Variants in VWA3B observed in about 807,000 individuals in gnomAD.
The protein encoded by VWA3B is von Willebrand factor A domain containing 3B.
A neutral mutation model predicts 158.3 loss-of-function variants in VWA3B; 138 were observed. That is an observed-to-expected ratio of 0.87 (90% CI 0.76 to 1.00). VWA3B has a LOEUF of 1.00. Among genes scored for constraint, VWA3B ranks in the 50% least tolerant of loss-of-function variants. The pLI, the probability that VWA3B is intolerant of heterozygous loss-of-function variation, is 0.00. For missense variants in VWA3B, 1,555 were observed against 1,565.1 expected (o/e 0.99, Z 0.11); for synonymous variants, 596 against 587.3 (o/e 1.01, Z -0.21).
rs1489040790 is a variant in VWA3B at position 98,133,821 on chromosome 2, C to G, written c.873-3C>G. ...TCCTAATGAGCATCTCTTCACGTTTCAGATTCCACGCATTTGCCGAGAGAA... is the reference window on the plus strand; with the variant it reads ...TCCTAATGAGCATCTCTTCACGTTTGAGATTCCACGCATTTGCCGAGAGAA... On this transcript the variant is annotated splice_region_variant and splice_polypyrimidine_tract_variant and intron_variant, in intron 6 of 27. Transcript: ENST00000477737. 1 of 1,613,880 alleles carries G rather than the reference C, an allele frequency of 6.2e-7. No homozygotes were observed. Among genetic ancestry groups the G allele is most frequent in the Admixed American group, 1.7e-5 (1 of 60,018 alleles).
chr2:98,092,621 C>T (rs971941758), intron 1 of VWA3B, among the ~76,000 whole-genome samples: 1 of 151,730 alleles, frequency 6.6e-6, no homozygotes, highest in Admixed American at 6.6e-5. Flanking sequence ...CCAGCCTGGG[C>T]AACAGAGCGA....
At chr2:98,280,621 G>A (rs145564175) in intron 22 of VWA3B, among the ~76,000 whole-genome samples, 59 of 152,320 alleles carry the variant, frequency 3.9e-4, no homozygotes, top group Middle Eastern at 6.8e-3. Flanking sequence ...GGCCTGTGCC[G>A]GGCTCAGGAA....
At chr2:98,319,876 TCA>T in the VWA3B span, among the ~76,000 whole-genome samples, 78,333 of 147,208 alleles carry the variant, frequency 0.53, 20,950 homozygotes, top group East Asian at 0.75. Context: ...TGAGACTCCA[TCA>T]CACACACACA....
At chr2:98,269,100 C>G (rs1056248407) in intron 21 of VWA3B, among the ~76,000 whole-genome samples, 18 of 152,072 alleles carry the variant, frequency 1.2e-4, no homozygotes, top group African/African-American at 3.6e-4. Context: ...GCCATTTCCT[C>G]ATATCTTTGT....
At chr2:98,116,278 C>T (rs1254732161) in intron 3 of VWA3B, among the ~76,000 whole-genome samples, 1 of 152,156 alleles carries the variant, frequency 6.6e-6, no homozygotes, top group Admixed American at 6.5e-5. Flanking sequence ...GATATTTGTT[C>T]ATGTCTATGT....
intron 14 of VWA3B, among the ~76,000 whole-genome samples, chr2:98,226,299 A>C (rs756959367): frequency 2.0e-5 from 3 of 152,222 alleles, no homozygotes; most frequent in Non-Finnish European, 2.9e-5. Flanking sequence ...TTTTTGACAA[A>C]GATGCAAAAG....
intron 7 of VWA3B, among the ~76,000 whole-genome samples, chr2:98,144,148 T>G (rs781104257): frequency 2.6e-5 from 4 of 152,186 alleles, no homozygotes; most frequent in Non-Finnish European, 4.4e-5. Context: ...CATATATATG[T>G]ATGGATGGAT....
At chr2:98,237,333 T>C (rs1351448425) in intron 19 of VWA3B, among the ~76,000 whole-genome samples, 4 of 152,150 alleles carry the variant, frequency 2.6e-5, no homozygotes, top group Non-Finnish European at 5.9e-5. Flanking sequence ...AAATATCCCT[T>C]TATGAAAGGA....
At chr2:98,228,743 T>C (rs1685118038) in intron 15 of VWA3B, among the ~76,000 whole-genome samples, 1 of 152,158 alleles carries the variant, frequency 6.6e-6, no homozygotes, top group South Asian at 2.1e-4. Context: ...TCCTCATCTT[T>C]AAAATGGTGG....
chr2:98,245,137 A>G (rs1215436115), intron 19 of VWA3B, among the ~76,000 whole-genome samples: 1 of 152,106 alleles, frequency 6.6e-6, no homozygotes, highest in Non-Finnish European at 1.5e-5. Context: ...CCCTTAAATC[A>G]AATATTATCC....
At chr2:98,200,380 A>T (rs560898305) in intron 12 of VWA3B, among the ~76,000 whole-genome samples, 1 of 152,176 alleles carries the variant, frequency 6.6e-6, no homozygotes, top group South Asian at 2.1e-4. Context: ...GTCTCTACTA[A>T]AACTACAAAA....
chr2:98,254,575 C>T (rs1686993215), intron 20 of VWA3B, among the ~76,000 whole-genome samples: 1 of 152,146 alleles, frequency 6.6e-6, no homozygotes, highest in African/African-American at 2.4e-5. Context: ...ACTGAGCTGA[C>T]TTATTTCCCT....
In VWA3B at chr2:98,211,943, C is replaced by G; in HGVS notation, c.1751C>G (p.Thr584Arg). ...WIRDIKIGSS[T>R]NTLSALKTAF... ...TTTTTTCCGTAGATTGGAAGCTCCACAAACACCCTGAGTGCCCTGAAAACT... is the reference window on the plus strand; with the variant it reads ...TTTTTTCCGTAGATTGGAAGCTCCAGAAACACCCTGAGTGCCCTGAAAACT... The change falls in exon 13 of 28, where the codon ACA (threonine) becomes AGA (arginine). Residue 584 changes from threonine (T) to arginine (R), a missense_variant. By Grantham distance (71) the Thr-to-Arg change is moderately conservative. Transcript: ENST00000477737. The G allele has an allele frequency of 6.2e-7, 1 of 1,614,088 alleles. No individual in the cohort carries two copies. Among genetic ancestry groups the G allele is most frequent in the South Asian group, 1.1e-5 (1 of 91,072 alleles).
At chr2:98,327,262 C>T in the VWA3B span, among the ~76,000 whole-genome samples, 35 of 151,996 alleles carry the variant, frequency 2.3e-4, 1 homozygote, top group South Asian at 6.4e-3. Flanking sequence ...CACTGCACTC[C>T]GGCCTGGGCA....
At chr2:98,128,480 G>A (rs1675561729) in intron 6 of VWA3B, 72 bp downstream of exon 6, 2 of 1,530,584 alleles carry the variant, frequency 1.3e-6, no homozygotes, top group African/African-American at 1.4e-5. Context: ...AGTGGGTCTT[G>A]CATTCTTCGT....
At chr2:98,264,148 G>C (rs1302448371) in intron 21 of VWA3B, among the ~76,000 whole-genome samples, 1 of 151,098 alleles carries the variant, frequency 6.6e-6, no homozygotes, top group Non-Finnish European at 1.5e-5. Flanking sequence ...GTCTAGCTAA[G>C]AATTTGTCAA....
At chr2:98,240,680 A>G (rs889335240) in intron 19 of VWA3B, among the ~76,000 whole-genome samples, 18 of 152,282 alleles carry the variant, frequency 1.2e-4, no homozygotes, top group African/African-American at 4.3e-4. Context: ...GGATGCAGAC[A>G]TAAGATCTTT....
intron 20 of VWA3B, among the ~76,000 whole-genome samples, chr2:98,254,685 G>A (rs554467037): frequency 6.6e-6 from 1 of 152,322 alleles, no homozygotes; most frequent in South Asian, 2.1e-4. Context: ...GGCGACACTA[G>A]GAGTGGAGCG....
chr2:98,282,775 T>C (rs138248926), intron 22 of VWA3B, among the ~76,000 whole-genome samples: 31 of 152,332 alleles, frequency 2.0e-4, no homozygotes, highest in African/African-American at 7.5e-4. Flanking sequence ...TTAGTATCTG[T>C]CCTTGTCCTT....
Sources: allele counts gnomAD v4.1 joint callset (sites outside exome capture counted in the v4.1 genomes callset), GRCh38; gene constraint gnomAD v4.1.1; transcripts MANE v1.5; gene names NCBI Gene and HGNC (gene_info 2026-07-23, HGNC 2026-07-21).